RBM20: variants seen among roughly 807,000 people sequenced by gnomAD.
The protein encoded by RBM20 is RNA binding motif protein 20, also known as RNA-binding protein 20.
In RBM20, 51 loss-of-function variants were observed where a neutral mutation model predicts 110.1. The observed-to-expected ratio is 0.46, with a 90% CI of 0.37 to 0.59. RBM20 has a LOEUF of 0.59. Ranked by LOEUF, RBM20 falls within the 20% of genes least tolerant of loss-of-function variation. The pLI, the probability that RBM20 is intolerant of heterozygous loss-of-function variation, is 0.00. For synonymous variants in RBM20, 589 were observed against 618.2 expected (o/e 0.95, Z 0.70); for missense variants, 1,512 against 1,574.9 (o/e 0.96, Z 0.68).
In RBM20 at chr10:110,836,940, G is replaced by A. The variant is rs1845138856; in HGVS notation, c.*962G>A. 1 of 152,284 alleles carries A rather than the reference G, an allele frequency of 6.6e-6. No individual in the cohort carries two copies. The highest frequency in any genetic ancestry group is 1.5e-5 in the Non-Finnish European group (1 of 68,060). The allele number at this position is 152,284 out of a possible 1,614,324, so 9.4% of individuals were successfully genotyped here. On this transcript the variant is annotated 3_prime_UTR_variant, in exon 14 of 14. Coordinates refer to ENST00000369519, the MANE Select transcript of RBM20 (RefSeq NM_001134363.3). ...GGCTCGAGAGGCACAGCTCCAGGCT[G>A]TGGAAAACAGAGTTGTCTTGGGGGT...
chr10:110,644,374 C>T lies in RBM20; in HGVS notation c.-81C>T. ...GGACAAGGGGACTGGGCACGGGGACCCCGGCCAGTGAGCGCCCGTGGCCCG... is the reference window on the plus strand; with the variant it reads ...GGACAAGGGGACTGGGCACGGGGACTCCGGCCAGTGAGCGCCCGTGGCCCG... On this transcript the variant is annotated 5_prime_UTR_variant, in exon 1 of 14. Coordinates refer to ENST00000369519, the MANE Select transcript of RBM20 (RefSeq NM_001134363.3). This position sits in a 1 kb window ranked among gnomAD's most constrained non-coding sequence, Gnocchi z 4.3. The T allele has an allele frequency of 1.7e-6, 2 of 1,203,338 alleles. No individual in the cohort carries two copies. The highest frequency in any genetic ancestry group is 1.1e-6 in the Non-Finnish European group (1 of 922,738). 74.5% of individuals were successfully genotyped at this position (1,203,338 alleles called of 1,614,324 possible).
At chr10:110,724,747 A>G (rs1843543582) in intron 1 of RBM20, among the ~76,000 whole-genome samples, 1 of 152,156 alleles carries the variant, frequency 6.6e-6, no homozygotes, top group South Asian at 2.1e-4. Context: ...CATCTGGGGA[A>G]TGAGAACAGT....
In RBM20 at chr10:110,672,275, C is replaced by A. The variant is rs1862272286; in HGVS notation, c.191+27630C>A. Among the ~76,000 whole-genome samples, 2 of 152,226 alleles carry A rather than the reference C, an allele frequency of 1.3e-5. 1 individual carries two copies. Among genetic ancestry groups the A allele is most frequent in the South Asian group, 4.1e-4 (2 of 4,828 alleles). On this transcript the variant is annotated intron_variant, in intron 1 of 13. Coordinates refer to ENST00000369519, the MANE Select transcript of RBM20 (RefSeq NM_001134363.3). ...CCCCTGGTGGCCGGAGAGGTCGCAG[C>A]ACTTGTCAGTTTATGGCTCCCTCGG... is the stretch of plus-strand genomic sequence containing the variant.
intron 6 of RBM20, 89 bp downstream of exon 6, chr10:110,797,737 TTAACA>T (rs773671980): frequency 7.2e-7 from 1 of 1,393,484 alleles, no homozygotes; most frequent in Non-Finnish European, 9.8e-7. Context: ...GAAGCCATTC[TTAACA>T]TAAAGAGGCG....
At chr10:110,788,097 T>C (rs1844441981) in intron 5 of RBM20, among the ~76,000 whole-genome samples, 1 of 151,694 alleles carries the variant, frequency 6.6e-6, no homozygotes, top group Admixed American at 6.6e-5. Context: ...GATTTGAACC[T>C]AGGCAGCCTA....
At chr10:110,672,223 C>T (rs1590607948) in intron 1 of RBM20, among the ~76,000 whole-genome samples, 1 of 152,172 alleles carries the variant, frequency 6.6e-6, no homozygotes, top group Non-Finnish European at 1.5e-5. Context: ...CCTGGCGCCG[C>T]GGGTGGGGGC....
intron 1 of RBM20, among the ~76,000 whole-genome samples, chr10:110,653,072 G>C (rs1861974631): frequency 6.6e-6 from 1 of 152,110 alleles, no homozygotes; most frequent in African/African-American, 2.4e-5. Flanking sequence ...ATCCTTAATA[G>C]AGGAAAAACC....
chr10:110,675,599 C>T (rs1862328156), intron 1 of RBM20, among the ~76,000 whole-genome samples: 1 of 152,194 alleles, frequency 6.6e-6, no homozygotes, highest in African/African-American at 2.4e-5. Flanking sequence ...AATCAGGCAG[C>T]TTGCTTTCAG....
chr10:110,682,975 T>C (rs1225985625), intron 1 of RBM20, among the ~76,000 whole-genome samples: 1 of 152,236 alleles, frequency 6.6e-6, no homozygotes, highest in African/African-American at 2.4e-5. Context: ...CTCGCTTGTT[T>C]ATTTATCAAG....
Position 110,680,221 on chromosome 10 carries a change from T to C in RBM20, c.191+35576T>C, listed in dbSNP as rs564353638. On this transcript the variant is annotated intron_variant, in intron 1 of 13. Coordinates refer to ENST00000369519, the MANE Select transcript of RBM20 (RefSeq NM_001134363.3). Reference sequence around the variant, plus strand: ...TGGGGGCGGAAGTTCAAGTTTGGAGTGGGTGGTGGGTTTGCTCCTTGGATG... The same window carrying C: ...TGGGGGCGGAAGTTCAAGTTTGGAGCGGGTGGTGGGTTTGCTCCTTGGATG... Among the ~76,000 whole-genome samples the C allele has an allele frequency of 3.5e-4, 53 of 151,450 alleles. No homozygotes were observed. The South Asian group carries it at 0.011, about 31-fold the overall frequency.
intron 7 of RBM20, among the ~76,000 whole-genome samples, chr10:110,808,104 T>A (rs770009424): frequency 6.6e-6 from 1 of 152,128 alleles, no homozygotes; most frequent in Non-Finnish European, 1.5e-5. Context: ...GTAGCCGGAG[T>A]TCATTGTGTG....
At chr10:110,709,902 TA>T (rs1171753558) in intron 1 of RBM20, among the ~76,000 whole-genome samples, 1 of 152,106 alleles carries the variant, frequency 6.6e-6, no homozygotes, top group African/African-American at 2.4e-5. Flanking sequence ...AAAGTTCAAC[TA>T]AAAAAGTCAG....
chr10:110,737,515 C>G (rs550736660), intron 1 of RBM20, among the ~76,000 whole-genome samples: 1 of 152,236 alleles, frequency 6.6e-6, no homozygotes, highest in South Asian at 2.1e-4. Flanking sequence ...GATCAAGAAA[C>G]AGAACACTAC....
intron 1 of RBM20, among the ~76,000 whole-genome samples, chr10:110,692,086 AT>A (rs551516876): frequency 2.6e-5 from 4 of 151,244 alleles, no homozygotes; most frequent in Non-Finnish European, 4.4e-5. Flanking sequence ...ATATGTAAAG[AT>A]TTTTTTTTCT....
At chr10:110,680,341 T>G (rs530183407) in intron 1 of RBM20, among the ~76,000 whole-genome samples, 4 of 152,282 alleles carry the variant, frequency 2.6e-5, no homozygotes, top group African/African-American at 9.6e-5. Context: ...GTTTTCCCTG[T>G]CTGAATGGTC....
chr10:110,818,592 G>A (rs1219138790), intron 9 of RBM20, among the ~76,000 whole-genome samples: 2 of 152,252 alleles, frequency 1.3e-5, no homozygotes, highest in African/African-American at 2.4e-5. Flanking sequence ...CACAGCAAAG[G>A]GAAGCTCTGA....
rs1350846459 is a variant in RBM20, at chr10:110,800,081, C to G, written c.1800+163C>G. Reference sequence around the variant, plus strand: ...CTCGAGGCAAACCATTGCAGCATGGCAAGAAAAGTGCTCTTGAGGTAAATA... The same window carrying G: ...CTCGAGGCAAACCATTGCAGCATGGGAAGAAAAGTGCTCTTGAGGTAAATA... On this transcript the variant is annotated intron_variant, in intron 7 of 13. Coordinates refer to ENST00000369519, the MANE Select transcript of RBM20 (RefSeq NM_001134363.3). Among the ~76,000 whole-genome samples the G allele has an allele frequency of 3.3e-5, 5 of 152,110 alleles. No homozygotes were observed. The East Asian group carries it at 7.7e-4, about 23-fold the overall frequency.
chr10:110,813,784 G>A (rs1344945678), intron 9 of RBM20, among the ~76,000 whole-genome samples: 3 of 149,028 alleles, frequency 2.0e-5, no homozygotes, highest in South Asian at 2.1e-4. Flanking sequence ...GCAGTGAGCC[G>A]AGATCATGTC....
At position 110,821,830 on chromosome 10, in the gene RBM20, A is replaced by T; in HGVS notation, c.3211A>T (p.Thr1071Ser). ...TGTGGATGATTGCAAGACCAGGGGG[A>T]CCCCCGAAGATGGGGCTTGTGAAGG... is the stretch of plus-strand genomic sequence containing the variant. ...PFVDDCKTRGTPEDGACEGSP... is the reference protein window; with the variant it reads ...PFVDDCKTRGSPEDGACEGSP... The change falls in exon 11 of 14, where the codon ACC becomes TCC. Residue 1071 changes from threonine to serine, a missense_variant. Transcript: ENST00000369519. 1 of 1,551,594 alleles carries T rather than the reference A, an allele frequency of 6.4e-7. No homozygotes were observed. Among genetic ancestry groups the T allele is most frequent in the African/African-American group, 1.4e-5 (1 of 73,132 alleles).
Sources: allele counts gnomAD v4.1 joint callset (sites outside exome capture counted in the v4.1 genomes callset), GRCh38; gene constraint gnomAD v4.1.1; non-coding constraint Gnocchi (gnomAD v3.1); transcripts MANE v1.5; gene names NCBI Gene and HGNC (gene_info 2026-07-23, HGNC 2026-07-21).